The following CDH12 variants were observed in gnomAD, a reference collection of about 807,000 sequenced individuals.
The protein encoded by CDH12 is cadherin 12.
Under a neutral mutation model 74.1 loss-of-function variants are expected in CDH12, and 41 were observed. The observed-to-expected ratio is 0.55, with a 90% confidence interval of 0.43 to 0.72. The LOEUF is 0.72. Ranked by LOEUF, CDH12 falls within the 30% of genes least tolerant of loss-of-function variation. The pLI, the probability that CDH12 is intolerant of heterozygous loss-of-function variation, is 0.00. For missense variants in CDH12, 945 were observed against 977.2 expected, an observed-to-expected ratio of 0.97 and a Z score of 0.44; for synonymous variants, 399 against 355.0, an observed-to-expected ratio of 1.12 and a Z score of -1.39.
At chr5:22,620,790 A>G (rs1053727473) in intron 1 of CDH12, among the ~76,000 whole-genome samples, 2 of 152,190 alleles carry the variant, frequency 1.3e-5, no homozygotes, top group Non-Finnish European at 2.9e-5. Flanking sequence ...TCACACAGAT[A>G]AAATAAACAT....
At chr5:22,703,946 G>A (rs192501355) in intron 1 of CDH12, among the ~76,000 whole-genome samples, 228 of 152,080 alleles carry the variant, frequency 1.5e-3, no homozygotes, top group Middle Eastern at 3.4e-3. Flanking sequence ...CATAATAGAC[G>A]TATTTGGAGT....
At chr5:22,823,226 A>C (rs1193442879) in intron 1 of CDH12, among the ~76,000 whole-genome samples, 11 of 103,436 alleles carry the variant, frequency 1.1e-4, no homozygotes, top group East Asian at 6.7e-4. Flanking sequence ...CACTCCGGGG[A>C]CTGTTGTGAG....
At chr5:22,840,589 CACTT>C (rs1243512238) in intron 1 of CDH12, among the ~76,000 whole-genome samples, 3 of 151,396 alleles carry the variant, frequency 2.0e-5, no homozygotes, top group South Asian at 2.1e-4. Flanking sequence ...ATATAGCAAA[CACTT>C]ACTATATGTT....
intron 1 of CDH12, among the ~76,000 whole-genome samples, chr5:22,624,158 A>T (rs1423464625): frequency 1.3e-5 from 2 of 152,184 alleles, no homozygotes; most frequent in Non-Finnish European, 1.5e-5. Context: ...TTATACAAAA[A>T]TTCAAGATGG....
chr5:21,925,370 A>C (rs1754541126), intron 6 of CDH12, among the ~76,000 whole-genome samples: 1 of 152,228 alleles, frequency 6.6e-6, no homozygotes, highest in South Asian at 2.1e-4. Flanking sequence ...ATAGAAAATG[A>C]GATAAACCTC....
chr5:22,637,114 T>A (rs1340608409), intron 1 of CDH12, among the ~76,000 whole-genome samples: 1 of 152,238 alleles, frequency 6.6e-6, no homozygotes, highest in African/African-American at 2.4e-5. Flanking sequence ...AATCATACAT[T>A]CATTAATAAA....
chr5:22,632,070 G>A (rs1213486834), intron 1 of CDH12, among the ~76,000 whole-genome samples: 1 of 152,152 alleles, frequency 6.6e-6, no homozygotes, highest in Non-Finnish European at 1.5e-5. Flanking sequence ...AGAGGGTAGA[G>A]GTTGGGAGGA....
intron 5 of CDH12, among the ~76,000 whole-genome samples, chr5:22,019,960 G>C (rs1269930644): frequency 6.6e-6 from 1 of 152,110 alleles, no homozygotes. Flanking sequence ...TTAGTCCAAT[G>C]GCACTGGACC....
At chr5:22,575,633 C>T (rs962841407) in intron 1 of CDH12, among the ~76,000 whole-genome samples, 3 of 152,066 alleles carry the variant, frequency 2.0e-5, no homozygotes, top group South Asian at 2.1e-4. Context: ...GTTGCGATCT[C>T]GGATCACTAC....
At position 22,431,925 on chromosome 5, in the gene CDH12, T is replaced by G. The variant is rs1364834475; in HGVS notation, c.-427-26574A>C. Among the ~76,000 whole-genome samples, 5 of 152,240 alleles carry G rather than the reference T, an allele frequency of 3.3e-5. No individual in the cohort carries two copies. In the East Asian group the frequency reaches 9.7e-4, roughly 29 times the overall value. ...TAAAGTAAAGAAGGTACAGTAAGCTTACATCAATTTATTGTTTAAGAACAA... is the reference window on the plus strand; with the variant it reads ...TAAAGTAAAGAAGGTACAGTAAGCTGACATCAATTTATTGTTTAAGAACAA... On this transcript the variant is annotated intron_variant, in intron 2 of 14. Coordinates refer to ENST00000382254, the MANE Select transcript of CDH12 (RefSeq NM_004061.5).
intron 3 of CDH12, among the ~76,000 whole-genome samples, chr5:22,346,386 C>A (rs190868289): frequency 6.6e-6 from 1 of 152,100 alleles, no homozygotes; most frequent in Non-Finnish European, 1.5e-5. Flanking sequence ...ATTTTATCCC[C>A]AGATTACTAT....
intron 1 of CDH12, among the ~76,000 whole-genome samples, chr5:22,602,414 C>T (rs1736895279): frequency 6.6e-6 from 1 of 152,034 alleles, no homozygotes; most frequent in Non-Finnish European, 1.5e-5. Context: ...ATAACTAAAA[C>T]AAGTACAAAC....
chr5:21,976,792 T>C (rs113735939), intron 5 of CDH12, among the ~76,000 whole-genome samples: 2,434 of 152,090 alleles, frequency 0.016, 65 homozygotes, highest in African/African-American at 0.056. Context: ...TTGCAAATCA[T>C]TGCTTAAGAA....
chr5:22,407,384 C>T (rs1192266192), intron 2 of CDH12, among the ~76,000 whole-genome samples: 3 of 152,004 alleles, frequency 2.0e-5, no homozygotes, highest in Admixed American at 2.0e-4. Flanking sequence ...TCAATGTTCT[C>T]AATAGTTTAA....
chr5:22,230,919 T>G lies in CDH12; in HGVS notation c.-332-18276A>C, dbSNP rs528565429. ...CCTACGAATGATGAAGATGAAGGAA[T>G]AGCAGATAGTAAGTCACACTAACAT... On this transcript the variant is annotated intron_variant, in intron 3 of 14. Coordinates refer to ENST00000382254, the MANE Select transcript of CDH12 (RefSeq NM_004061.5). 1.6e-4 allele frequency among the ~76,000 whole-genome samples: 24 copies of G among 152,330 alleles called. No individual in the cohort carries two copies. In the South Asian group the frequency reaches 2.3e-3, roughly 14 times the overall value.
intron 6 of CDH12, among the ~76,000 whole-genome samples, chr5:21,969,779 T>A (rs1756756180): frequency 6.6e-6 from 1 of 152,026 alleles, no homozygotes; most frequent in African/African-American, 2.4e-5. Flanking sequence ...ACAACCTTTA[T>A]CAAATAATAA....
Position 22,361,739 on chromosome 5 carries a change from C to A in CDH12, c.-333+43518G>T, listed in dbSNP as rs1456020461. Reference sequence around the variant, plus strand: ...ACTGGTATGAAAACAGAGATATAGACCAATGGAACAGAACAGAGACCTCAG... The same window carrying A: ...ACTGGTATGAAAACAGAGATATAGAACAATGGAACAGAACAGAGACCTCAG... On this transcript the variant is annotated intron_variant, in intron 3 of 14. Transcript: ENST00000382254. 1.3e-5 allele frequency among the ~76,000 whole-genome samples: 2 copies of A among 151,990 alleles called. 1 individual carries two copies. Among genetic ancestry groups the A allele is most frequent in the Non-Finnish European group, 2.9e-5 (2 of 67,984 alleles).
intron 1 of CDH12, among the ~76,000 whole-genome samples, chr5:22,557,490 A>G (rs1738848482): frequency 6.6e-6 from 1 of 152,098 alleles, no homozygotes; most frequent in Non-Finnish European, 1.5e-5. Context: ...GATAATGTGC[A>G]TTGGAAGTGA....
At chr5:21,994,842 C>T (rs1029305836) in intron 5 of CDH12, among the ~76,000 whole-genome samples, 26 of 152,202 alleles carry the variant, frequency 1.7e-4, no homozygotes, top group African/African-American at 7.2e-5. Context: ...TAAAAACGGA[C>T]CAATCAGCAC....
Sources: gnomAD v4.1 joint callset for allele counts (sites outside exome capture counted in the v4.1 genomes callset) on GRCh38, gnomAD v4.1.1 for gene constraint, MANE v1.5 for transcripts, NCBI Gene and HGNC (gene_info 2026-07-23, HGNC 2026-07-21) for gene names.